Variants in DEPDC5 observed in about 807,000 individuals in gnomAD.
DEPDC5 encodes GATOR1 complex protein DEPDC5.
DEPDC5 carries 73 observed loss-of-function variants against 217.3 expected under a neutral mutation model. The observed-to-expected ratio is 0.34, with a 90% CI of 0.28 to 0.41. The LOEUF (loss-of-function observed/expected upper bound fraction) is 0.41. Among genes scored for constraint, DEPDC5 ranks in the 10% least tolerant of loss-of-function variants. The pLI is 1.00. For synonymous variants in DEPDC5, 733 were observed against 756.7 expected (o/e 0.97, Z 0.51); for missense variants, 1,675 against 2,070.1 (o/e 0.81, Z 3.70).
At chr22:31,838,516 G>T (rs532323620) in intron 26 of DEPDC5, among the ~76,000 whole-genome samples, 169 bp from the exon 27 acceptor site, 1 of 152,240 alleles carries the variant, frequency 6.6e-6, no homozygotes, top group Non-Finnish European at 1.5e-5. Flanking sequence ...CTTCCAGAGT[G>T]CTAGGATTAC....
At chr22:31,904,786 T>C (rs1448587836) in intron 41 of DEPDC5, among the ~76,000 whole-genome samples, 1 of 152,200 alleles carries the variant, frequency 6.6e-6, no homozygotes, top group Non-Finnish European at 1.5e-5. Context: ...CATCATATAA[T>C]CAGCCTGTAG....
At chr22:31,787,814 TAAA>T (rs373550815) in intron 10 of DEPDC5, among the ~76,000 whole-genome samples, 6 of 127,424 alleles carry the variant, frequency 4.7e-5, no homozygotes, top group Admixed American at 1.6e-4. Context: ...CCTGTCTCTT[TAAA>T]AAAAAAAAAA....
chr22:31,897,611 A>G lies in DEPDC5; in HGVS notation c.4333A>G (p.Ile1445Val). Reference protein sequence around the residue: ...LRAQLFIPLNISCLLKEGSEH... With the variant: ...LRAQLFIPLNVSCLLKEGSEH... Reference sequence around the variant, plus strand: ...TGCCCAGCTCTTCATCCCACTCAACATCAGCTGCTTGCTCAAGGAGGGCAG... The same window carrying G: ...TGCCCAGCTCTTCATCCCACTCAACGTCAGCTGCTTGCTCAAGGAGGGCAG... The change falls in exon 40 of 43, where the codon ATC becomes GTC. Residue 1445 changes from isoleucine (I) to valine (V), a missense_variant. Physicochemically the swap from Ile to Val is conservative, Grantham distance 29 (BLOSUM62 3). Around this residue, in one of 11 missense-constraint regions of DEPDC5, gnomAD observed 182 missense variants for 290.1 expected, o/e 0.63. Transcript: ENST00000651528. 6.2e-7 allele frequency: 1 copy of G among 1,614,044 alleles called. No individual in the cohort carries two copies. The highest frequency in any genetic ancestry group is 1.7e-5 in the Admixed American group (1 of 59,990).
chr22:31,850,377 T>C (rs1415186294), intron 31 of DEPDC5, among the ~76,000 whole-genome samples: 3 of 152,154 alleles, frequency 2.0e-5, no homozygotes, highest in Non-Finnish European at 4.4e-5. Flanking sequence ...TAAGATATTT[T>C]GAGAAAGAAA....
At position 31,766,565 on chromosome 22, in the gene DEPDC5, C is replaced by T; in HGVS notation, c.280-20C>T. ...TGTGGCAAAGTAATGTCAGAGATAT[C>T]ATTTGATTATTCCTTTTAGGATGTG... On this transcript the variant is annotated intron_variant, in intron 5 of 42. Coordinates refer to ENST00000651528, the MANE Select transcript of DEPDC5 (RefSeq NM_001242896.3). 1 of 1,608,720 alleles carries T rather than the reference C, an allele frequency of 6.2e-7. No individual in the cohort carries two copies. The highest frequency in any genetic ancestry group is 1.1e-5 in the South Asian group (1 of 90,530).
chr22:31,811,027 G>C (rs1359313632), intron 20 of DEPDC5, among the ~76,000 whole-genome samples: 1 of 152,014 alleles, frequency 6.6e-6, no homozygotes, highest in African/African-American at 2.4e-5. Flanking sequence ...TGCCCGCCTC[G>C]ACCTCCCAAA....
rs149226094 is a variant in DEPDC5 at position 31,825,388 on chromosome 22, G to C, written c.2104+2598G>C. ...CCATTGTGGAGTCCTCTGAGCTAAG[G>C]GTTCCCTGGCAGACTCAAATTGGAA... On this transcript the variant is annotated intron_variant, in intron 24 of 42. Transcript: ENST00000651528. Among the ~76,000 whole-genome samples the C allele has an allele frequency of 5.0e-3, 766 of 152,310 alleles. 8 individuals carry two copies. The highest frequency in any genetic ancestry group is 0.017 in the African/African-American group (704 of 41,572).
rs199971923 is a variant in DEPDC5 at position 31,845,266 on chromosome 22, G to A, written c.3021+29G>A. The A allele has an allele frequency of 2.0e-4, 318 of 1,597,820 alleles. No homozygotes were observed. The African/African-American group carries it at 3.4e-3, about 17-fold the overall frequency. ...AGGGCTCCTTAGACTCAGGGAGTGC[G>A]CCTGGTGTGAGATGCAGGGCCTGCC... On this transcript the variant is annotated intron_variant, in intron 30 of 42. Transcript: ENST00000651528.
chr22:31,802,974 C>T (rs1380811551), intron 15 of DEPDC5, 136 bp downstream of exon 15: 1 of 1,190,954 alleles, frequency 8.4e-7, no homozygotes, highest in African/African-American at 1.6e-5. Context: ...CTGTGGATGT[C>T]AATAGGTGTC....
intron 10 of DEPDC5, among the ~76,000 whole-genome samples, chr22:31,788,545 T>C (rs111602217): frequency 0.034 from 5,094 of 151,422 alleles, 109 homozygotes; most frequent in South Asian, 0.063. Context: ...CCCAATGTGC[T>C]GAGATTACAG....
At chr22:31,782,733 T>G (rs193288771) in intron 8 of DEPDC5, among the ~76,000 whole-genome samples, 2 of 152,326 alleles carry the variant, frequency 1.3e-5, no homozygotes, top group African/African-American at 4.8e-5. Flanking sequence ...CTGCCCTTTC[T>G]CCTGCATTTC....
intron 2 of DEPDC5, among the ~76,000 whole-genome samples, chr22:31,756,190 T>C (rs1281093949): frequency 7.9e-5 from 12 of 152,184 alleles, no homozygotes; most frequent in Non-Finnish European, 1.5e-5. Context: ...CATGAGTCTT[T>C]TTAACATTGT....
intron 21 of DEPDC5, chr22:31,816,259 A>C (rs191671684): frequency 6.6e-6 from 1 of 151,352 alleles, no homozygotes; most frequent in East Asian, 2.0e-4. Context: ...AGATTCCACC[A>C]CTGCACTCCA....
intron 31 of DEPDC5, among the ~76,000 whole-genome samples, chr22:31,850,096 G>T (rs1413109682): frequency 1.3e-5 from 2 of 152,162 alleles, no homozygotes; most frequent in Non-Finnish European, 2.9e-5. Flanking sequence ...TCCAGCCTGG[G>T]TGATAGAGTG....
intron 12 of DEPDC5, among the ~76,000 whole-genome samples, chr22:31,793,402 C>T (rs1214027016): frequency 6.6e-6 from 1 of 151,940 alleles, no homozygotes; most frequent in South Asian, 2.1e-4. Flanking sequence ...AGCCCGTATA[C>T]CCAATACCTG....
At chr22:31,806,405 A>G (rs1052495704) in intron 18 of DEPDC5, among the ~76,000 whole-genome samples, 1 of 152,220 alleles carries the variant, frequency 6.6e-6, no homozygotes, top group East Asian at 1.9e-4. Flanking sequence ...GTCCTGAGGT[A>G]CCCTCATCTT....
chr22:31,821,731 T>C (rs537848228), intron 23 of DEPDC5, 94 bp downstream of exon 23: 5 of 1,534,524 alleles, frequency 3.3e-6, no homozygotes, highest in East Asian at 4.6e-5. Context: ...AAATGTTGTT[T>C]AGAAGACTTG....
intron 41 of DEPDC5, 40 bp from the exon 42 acceptor site, chr22:31,905,944 A>G (rs1157292610): frequency 3.2e-6 from 5 of 1,570,422 alleles, no homozygotes; most frequent in South Asian, 2.2e-5. Context: ...CCCTTTAACT[A>G]AGGAGGCGCT....
At chr22:31,770,765 C>T (rs1164784814) in intron 7 of DEPDC5, among the ~76,000 whole-genome samples, 2 of 147,904 alleles carry the variant, frequency 1.4e-5, no homozygotes, top group Admixed American at 6.8e-5. Context: ...TGTAGTCCCT[C>T]GTTATAAAGA....
Sources: allele counts gnomAD v4.1 joint callset (sites outside exome capture counted in the v4.1 genomes callset), GRCh38; gene constraint gnomAD v4.1.1; regional missense constraint gnomAD v4.1.1; transcripts MANE v1.5; gene names NCBI Gene and HGNC (gene_info 2026-07-23, HGNC 2026-07-21).